Variants in KLK15 observed in about 807,000 individuals in gnomAD.
The protein encoded by KLK15 is kallikrein-15.
KLK15 carries 19 observed loss-of-function variants against 21.1 expected under a neutral mutation model. That is an observed-to-expected ratio of 0.90 (90% CI 0.63 to 1.32). KLK15 has a LOEUF of 1.32. KLK15 is among the 40% of genes most tolerant of loss of function. The pLI is 0.00. For synonymous variants in KLK15, 141 were observed against 141.5 expected (o/e 1.00, Z 0.03); for missense variants, 345 against 348.6 (o/e 0.99, Z 0.08).
intron 1 of KLK15, among the ~76,000 whole-genome samples, chr19:50,828,603 C>G (rs1202172178): frequency 6.6e-6 from 1 of 151,670 alleles, no homozygotes; most frequent in African/African-American, 2.4e-5. Flanking sequence ...CCAGCTTCCA[C>G]ACTTAGGTAC....
chr19:50,828,026 C>G (rs2089915702), intron 1 of KLK15, among the ~76,000 whole-genome samples: 1 of 151,582 alleles, frequency 6.6e-6, no homozygotes, highest in Admixed American at 6.6e-5. Flanking sequence ...GATCTCAGCT[C>G]ACTGCAACTT....
At position 50,827,004 on chromosome 19, in the gene KLK15, T is replaced by G. The variant is rs753810753; in HGVS notation, c.355A>C (p.Asn119His). 121 of 1,605,966 alleles carry G rather than the reference T, an allele frequency of 7.5e-5. No homozygotes were observed. Among genetic ancestry groups the G allele is most frequent in the Middle Eastern group, 3.3e-4 (2 of 6,062 alleles). Residue 119 changes from asparagine to histidine, a missense_variant, in exon 3 of 5, where the codon AAC becomes CAC. By Grantham distance (68) the Asn-to-His change is moderately conservative. Transcript: ENST00000598239. The stretch of plus-strand genomic sequence containing the variant: ...AGCACCGCGGGGCGCACCTGGGGGT[T>G]CAGGCGTGCGGGCTGGACTAGGCGC...
intron 1 of KLK15, among the ~76,000 whole-genome samples, chr19:50,828,441 C>T (rs1212876210): frequency 6.6e-6 from 1 of 151,684 alleles, no homozygotes; most frequent in African/African-American, 2.4e-5. Context: ...CATTCACGGT[C>T]ACCAAATTGT....
At position 50,828,085 on chromosome 19, in the gene KLK15, T is replaced by G. The variant is rs571217044; in HGVS notation, c.44-270A>C. Among the ~76,000 whole-genome samples, 78 of 151,550 alleles carry G rather than the reference T, an allele frequency of 5.1e-4. 2 individuals carry two copies. Among genetic ancestry groups the G allele is most frequent in the Admixed American group, 1.2e-3 (18 of 15,138 alleles). On this transcript the variant is annotated intron_variant, in intron 1 of 4. Transcript: ENST00000598239. ...CTCCTGCCTCAGCCTCCCGAGTAGCTGAGGTGCCCGCCACCACACCTGGCT... is the reference window on the plus strand; with the variant it reads ...CTCCTGCCTCAGCCTCCCGAGTAGCGGAGGTGCCCGCCACCACACCTGGCT...
chr19:50,829,394 A>G (rs1162157824), intron 1 of KLK15, among the ~76,000 whole-genome samples: 1 of 151,704 alleles, frequency 6.6e-6, no homozygotes, highest in Non-Finnish European at 1.5e-5. Flanking sequence ...TTTTTTGCAA[A>G]TGACACCTGG....
rs1404093038 is a variant in KLK15 at position 50,829,172 on chromosome 19, G to T, written c.44-1357C>A. Among the ~76,000 whole-genome samples, 3 of 151,304 alleles carry T rather than the reference G, an allele frequency of 2.0e-5. No homozygotes were observed. In the Admixed American group the frequency reaches 2.0e-4, roughly 10 times the overall value. ...AGTGTCACAGACACTTGCATACAGG[G>T]TCTGGACAAAGATGGGTCCTTAAGC... On this transcript the variant is annotated intron_variant, in intron 1 of 4. Transcript: ENST00000598239.
At chr19:50,829,778 C>T (rs1359868333) in intron 1 of KLK15, among the ~76,000 whole-genome samples, 2 of 151,780 alleles carry the variant, frequency 1.3e-5, no homozygotes, top group African/African-American at 4.8e-5. Context: ...GGTTGCACCA[C>T]TGAACTCCAG....
exon 3 of KLK15, chr19:50,826,880 T>C (rs372405609): frequency 1.0e-5 from 16 of 1,559,730 alleles, no homozygotes; most frequent in African/African-American, 4.1e-5. Context: ...TCACGCACCT[T>C]GTGACCGGGG....
At chr19:50,825,699 T>C, downstream of KLK15, 1 of 1,297,172 alleles carries the variant, frequency 7.7e-7, no homozygotes, top group Admixed American at 2.1e-5. Flanking sequence ...GACAGGGTCT[T>C]GGGGGATGGC....
exon 5 of KLK15, chr19:50,825,783 T>C (rs769126467): frequency 1.2e-6 from 2 of 1,611,008 alleles, no homozygotes; most frequent in Non-Finnish European, 1.7e-6. Context: ...GCACAGGAGA[T>C]AGGCTAGAAT....
intron 1 of KLK15, among the ~76,000 whole-genome samples, chr19:50,830,269 G>A (rs1236922562): frequency 1.3e-5 from 2 of 151,710 alleles, no homozygotes; most frequent in African/African-American, 2.4e-5. Flanking sequence ...CAATGTGGAT[G>A]CATCCCCTGA....
At chr19:50,831,947 G>C (rs1462973313), upstream of KLK15, among the ~76,000 whole-genome samples, 3 of 151,704 alleles carry the variant, frequency 2.0e-5, no homozygotes, top group African/African-American at 7.3e-5. Flanking sequence ...GAGTAGCTGG[G>C]ACTACAGGCG....
intron 1 of KLK15, among the ~76,000 whole-genome samples, chr19:50,829,057 CACACACACACATGCACACACAA>C (rs2089937570): frequency 6.7e-6 from 1 of 148,288 alleles, no homozygotes; most frequent in South Asian, 2.1e-4. Flanking sequence ...TGAATACATA[CACACACACACATGCACACACAA>C]ACACACACAC....
chr19:50,831,634 C>T (rs3745523), upstream of KLK15: 145,981 of 559,944 alleles, frequency 0.26, 19,953 homozygotes, highest in South Asian at 0.33. Flanking sequence ...TTCTGACCAC[C>T]GGTATCCCCT....
At chr19:50,826,839 T>A (rs2089887602) in intron 3 of KLK15, 39 bp downstream of exon 4, 2 of 1,557,182 alleles carry the variant, frequency 1.3e-6, no homozygotes, top group Admixed American at 3.8e-5. Context: ...AGCATAGGAT[T>A]CCTTGAGGCC....
chr19:50,831,422 A>G, intron 1 of KLK15, 28 bp downstream of exon 2: 1 of 1,409,426 alleles, frequency 7.1e-7, no homozygotes, highest in Non-Finnish European at 9.2e-7. Flanking sequence ...GCTCCCACAG[A>G]CCTGGCCCCC....
intron 2 of KLK15, among the ~76,000 whole-genome samples, 169 bp from the exon 4 acceptor site, chr19:50,827,330 G>C (rs2089903162): frequency 6.9e-6 from 1 of 144,980 alleles, no homozygotes; most frequent in South Asian, 2.1e-4. Flanking sequence ...TCCAGCCCCT[G>C]CTCCTCAAGG....
At chr19:50,830,871 G>A (rs1181427377) in intron 1 of KLK15, among the ~76,000 whole-genome samples, 1 of 152,106 alleles carries the variant, frequency 6.6e-6, no homozygotes, top group Non-Finnish European at 1.5e-5. Context: ...TCTAAGCACC[G>A]TGCCTGGCTT....
Position 50,831,438 on chromosome 19 carries a change from G to A in KLK15, c.43+12C>T. ...CTCCCACAGACCTGGCCCCCTCCTG[G>A]GGCCACCTCACCTGTGGATGCCAGC... is the stretch of plus-strand genomic sequence containing the variant. On this transcript the variant is annotated intron_variant, in intron 1 of 4. Transcript: ENST00000598239. 1 of 1,422,448 alleles carries A rather than the reference G, an allele frequency of 7.0e-7. No homozygotes were observed. The highest frequency in any genetic ancestry group is 9.2e-7 in the Non-Finnish European group (1 of 1,090,440). The allele number at this position is 1,422,448 out of a possible 1,614,324, so 88.1% of individuals were successfully genotyped here.
Sources: gnomAD v4.1 joint callset for allele counts (sites outside exome capture counted in the v4.1 genomes callset) on GRCh38, gnomAD v4.1.1 for gene constraint, MANE v1.5 for transcripts, NCBI Gene and HGNC (gene_info 2026-07-23, HGNC 2026-07-21) for gene names.